Variants in CRADD observed in about 807,000 individuals in gnomAD.
The protein encoded by CRADD is death domain-containing protein CRADD.
A neutral mutation model predicts 15.5 loss-of-function variants in CRADD; 9 were observed. The observed-to-expected ratio is 0.58, with a 90% CI of 0.35 to 1.01. CRADD has a LOEUF of 1.01. Among genes scored for constraint, CRADD ranks in the 50% least tolerant of loss-of-function variants. The pLI, the probability that CRADD is intolerant of heterozygous loss-of-function variation, is 0.02. For synonymous variants in CRADD, 118 were observed against 107.6 expected (o/e 1.10, Z -0.60); for missense variants, 227 against 250.3 (o/e 0.91, Z 0.63).
At chr12:93,776,689 A>G (rs1208415361) in intron 2 of CRADD, among the ~76,000 whole-genome samples, 1 of 152,250 alleles carries the variant, frequency 6.6e-6, no homozygotes, top group Non-Finnish European at 1.5e-5. Context: ...GAATGGATAA[A>G]CAAAATGGGG....
intron 2 of CRADD, among the ~76,000 whole-genome samples, chr12:93,813,263 A>G (rs1300896832): frequency 6.6e-6 from 1 of 152,250 alleles, no homozygotes; most frequent in Non-Finnish European, 1.5e-5. Context: ...CCAAATTCAA[A>G]AAAACTGGAA....
At chr12:93,780,670 T>C (rs1298205269) in intron 2 of CRADD, among the ~76,000 whole-genome samples, 2 of 152,014 alleles carry the variant, frequency 1.3e-5, no homozygotes, top group Non-Finnish European at 2.9e-5. Context: ...AGCCACAGTG[T>C]GTAATTGCTG....
chr12:93,841,858 A>G (rs1382167076), intron 2 of CRADD, among the ~76,000 whole-genome samples: 4 of 152,172 alleles, frequency 2.6e-5, no homozygotes, highest in Non-Finnish European at 4.4e-5. Context: ...GCACACCTGC[A>G]GCATATGACA....
chr12:93,877,292 G>T (rs530368915), intron 2 of CRADD, among the ~76,000 whole-genome samples: 15 of 152,302 alleles, frequency 9.8e-5, no homozygotes, highest in Non-Finnish European at 1.9e-4. Context: ...TTCACCAAAG[G>T]CCTGATGTAA....
At chr12:93,869,492 T>C (rs1007850335) in intron 2 of CRADD, among the ~76,000 whole-genome samples, 2 of 152,184 alleles carry the variant, frequency 1.3e-5, no homozygotes, top group African/African-American at 4.8e-5. Flanking sequence ...AAAATTACTA[T>C]TGTAAATATG....
chr12:93,710,018 G>T (rs1325583836), intron 2 of CRADD, among the ~76,000 whole-genome samples: 1 of 152,162 alleles, frequency 6.6e-6, no homozygotes, highest in African/African-American at 2.4e-5. Flanking sequence ...CCACATGAAT[G>T]TTCCAAAATA....
downstream of CRADD, among the ~76,000 whole-genome samples, chr12:93,853,551 C>T (rs538833146): frequency 3.3e-5 from 5 of 152,288 alleles, no homozygotes; most frequent in African/African-American, 7.2e-5. Context: ...GCTCCATCCC[C>T]GTTTGGAACC....
chr12:93,857,975 C>A (rs1410813972), intron 2 of CRADD, among the ~76,000 whole-genome samples: 1 of 152,252 alleles, frequency 6.6e-6, no homozygotes, highest in African/African-American at 2.4e-5. Flanking sequence ...GTCCAACCAT[C>A]TGCTTGAATC....
intron 2 of CRADD, among the ~76,000 whole-genome samples, chr12:93,719,457 C>A (rs1956220406): frequency 6.6e-6 from 1 of 152,162 alleles, no homozygotes; most frequent in Non-Finnish European, 1.5e-5. Context: ...ATGCTGACTT[C>A]ATAGAATGAG....
chr12:93,742,756 G>T (rs1308612584), intron 2 of CRADD, among the ~76,000 whole-genome samples: 1 of 152,134 alleles, frequency 6.6e-6, no homozygotes, highest in Non-Finnish European at 1.5e-5. Flanking sequence ...CGGTAAAAAT[G>T]AGCCGTCACA....
intron 2 of CRADD, among the ~76,000 whole-genome samples, chr12:93,755,643 A>G (rs1296836335): frequency 6.6e-6 from 1 of 152,194 alleles, no homozygotes; most frequent in Non-Finnish European, 1.5e-5. Flanking sequence ...ATTCATTGGA[A>G]TCCCAGTCAG....
At chr12:93,749,529 G>T (rs140891571) in intron 2 of CRADD, among the ~76,000 whole-genome samples, 34 of 151,372 alleles carry the variant, frequency 2.2e-4, no homozygotes, top group African/African-American at 7.5e-4. Flanking sequence ...GGCTTCTTCA[G>T]TGATACTCCA....
At chr12:93,880,927 T>C (rs1385443283) in intron 2 of CRADD, among the ~76,000 whole-genome samples, 2 of 152,214 alleles carry the variant, frequency 1.3e-5, no homozygotes, top group Non-Finnish European at 2.9e-5. Flanking sequence ...GCTTTCCTTC[T>C]CAGAAATAAG....
chr12:93,701,293 G>C (rs1955839015), intron 2 of CRADD, among the ~76,000 whole-genome samples: 2 of 100,900 alleles, frequency 2.0e-5, no homozygotes, highest in Non-Finnish European at 3.8e-5. Flanking sequence ...CTCTCTCTCT[G>C]TGACACACAC....
intron 2 of CRADD, among the ~76,000 whole-genome samples, chr12:93,684,600 G>T (rs1486317241): frequency 6.6e-6 from 1 of 152,194 alleles, no homozygotes; most frequent in Non-Finnish European, 1.5e-5. Flanking sequence ...TTTTCATGGA[G>T]TTCAATGTAT....
chr12:93,772,586 G>A (rs937247268), intron 2 of CRADD, among the ~76,000 whole-genome samples: 8 of 152,242 alleles, frequency 5.3e-5, no homozygotes, highest in South Asian at 4.1e-4. Flanking sequence ...TTTTCAATTA[G>A]CATTTAAATA....
At chr12:93,843,581 T>C (rs1248481019) in intron 2 of CRADD, among the ~76,000 whole-genome samples, 1 of 151,872 alleles carries the variant, frequency 6.6e-6, no homozygotes, top group Non-Finnish European at 1.5e-5. Context: ...AGTTTCAGCA[T>C]GTATGCCAGG....
At chr12:93,732,046 G>A (rs556996825) in intron 2 of CRADD, among the ~76,000 whole-genome samples, 3 of 151,788 alleles carry the variant, frequency 2.0e-5, no homozygotes, top group Non-Finnish European at 2.9e-5. Flanking sequence ...TGAGGCAGGA[G>A]AATCGCTTGA....
intron 2 of CRADD, among the ~76,000 whole-genome samples, chr12:93,844,754 C>A (rs1958093500): frequency 6.6e-6 from 1 of 152,180 alleles, no homozygotes. Flanking sequence ...CAAACCCAGC[C>A]CCACAGGCTC....
Sources: gnomAD v4.1 joint callset for allele counts (sites outside exome capture counted in the v4.1 genomes callset) on GRCh38, gnomAD v4.1.1 for gene constraint, MANE v1.5 for transcripts, NCBI Gene and HGNC (gene_info 2026-07-23, HGNC 2026-07-21) for gene names.